Variants in GUF1 observed in about 807,000 individuals in gnomAD.
GUF1 encodes translation factor GUF1, mitochondrial.
Under a neutral mutation model 82.4 loss-of-function variants are expected in GUF1, and 78 were observed. The ratio of observed to expected loss-of-function variants is 0.95; its 90% CI spans 0.79 to 1.14. The LOEUF is 1.14. Ranked by LOEUF, GUF1 falls within the 50% of genes most tolerant of loss-of-function variation. The pLI is 0.00. For missense variants in GUF1, 814 were observed against 798.2 expected (o/e 1.02, Z -0.24); for synonymous variants, 279 against 282.3 (o/e 0.99, Z 0.12).
At chr4:44,684,462 C>G (rs1425183049) in intron 6 of GUF1, among the ~76,000 whole-genome samples, 1 of 151,992 alleles carries the variant, frequency 6.6e-6, no homozygotes, top group Non-Finnish European at 1.5e-5. Flanking sequence ...TGCTGGGACT[C>G]GTGCTGTGCT....
intron 13 of GUF1, among the ~76,000 whole-genome samples, chr4:44,693,346 A>G (rs1430778312): frequency 6.6e-6 from 1 of 152,014 alleles, no homozygotes; most frequent in African/African-American, 2.4e-5. Context: ...GAGTTAAGAA[A>G]TTTTTAAGAT....
At chr4:44,698,103 G>A (rs1265606903) in intron 16 of GUF1, among the ~76,000 whole-genome samples, 6 of 152,114 alleles carry the variant, frequency 3.9e-5, no homozygotes, top group Admixed American at 6.5e-5. Flanking sequence ...CAGAGATCCT[G>A]CCATTGTACT....
rs754535534 is a variant in GUF1 at position 44,689,994 on chromosome 4, T to C, written c.1335+19T>C. The C allele has an allele frequency of 1.9e-6, 3 of 1,543,764 alleles. No homozygotes were observed. The highest frequency in any genetic ancestry group is 1.8e-5 in the Admixed American group (1 of 56,202). On this transcript the variant is annotated intron_variant, in intron 11 of 16. Coordinates refer to ENST00000281543, the MANE Select transcript of GUF1 (RefSeq NM_021927.3). ...GATAAAGGTACTTGGTATTTAGTACTGGTATTTAGTACTGTTTTGCATTAG... is the reference window on the plus strand; with the variant it reads ...GATAAAGGTACTTGGTATTTAGTACCGGTATTTAGTACTGTTTTGCATTAG...
intron 6 of GUF1, 38 bp downstream of exon 6, chr4:44,683,356 A>G: frequency 2.5e-6 from 3 of 1,212,300 alleles, no homozygotes; most frequent in Non-Finnish European, 3.5e-6. Context: ...CTTTGAAAAA[A>G]GTCTCAAGTA....
At chr4:44,680,865 A>C in intron 3 of GUF1, 23 bp downstream of exon 3, 1 of 1,578,928 alleles carries the variant, frequency 6.3e-7, no homozygotes, top group South Asian at 1.1e-5. Flanking sequence ...TTAATTTTGC[A>C]TGTATTGTTA....
rs1290093486 is a variant in GUF1 at position 44,678,622 on chromosome 4, C to T, written c.-1C>T. 4 of 1,455,912 alleles carry T rather than the reference C, an allele frequency of 2.7e-6. No individual in the cohort carries two copies. Among genetic ancestry groups the T allele is most frequent in the Non-Finnish European group, 3.6e-6 (4 of 1,115,142 alleles). The allele number at this position is 1,455,912 out of a possible 1,614,324, so 90.2% of individuals were successfully genotyped here. On this transcript the variant is annotated 5_prime_UTR_variant, in exon 1 of 17. Coordinates refer to ENST00000281543, the MANE Select transcript of GUF1 (RefSeq NM_021927.3). ...CTCCTGACGCCTCCGCCGCCCGGGT[C>T]ATGTGGACCCTCGTGGGTCGGGGCT...
chr4:44,683,173 T>C (rs964564211), intron 5 of GUF1, 62 bp from the exon 6 acceptor site: 1 of 1,031,664 alleles, frequency 9.7e-7, no homozygotes, highest in South Asian at 1.5e-5. Context: ...CTCCGAATAC[T>C]GTTAATACAT....
chr4:44,686,830 T>G lies in GUF1; in HGVS notation c.938+117T>G, dbSNP rs1489473127. 5.8e-6 allele frequency: 4 copies of G among 692,182 alleles called. No homozygotes were observed. The Admixed American group carries it at 9.0e-5, about 16-fold the overall frequency. The allele number at this position is 692,182 out of a possible 1,614,324, so 42.9% of individuals were successfully genotyped here. A position where few individuals can be genotyped will look rare whatever the true frequency, so the allele number is the denominator to read the frequency against. On this transcript the variant is annotated intron_variant, in intron 8 of 16. Transcript: ENST00000281543. ...ATTTGGTAACTTAAAAAAAACTATT[T>G]AATGCAACTATACAGTAAATGCTCT...
chr4:44,678,913 G>A, intron 1 of GUF1, 126 bp downstream of exon 1: 1 of 958,834 alleles, frequency 1.0e-6, no homozygotes, highest in Non-Finnish European at 1.5e-6. Flanking sequence ...GTACAGGGAG[G>A]CAGAGCGGAG....
At chr4:44,692,159 A>T (rs900447757) in intron 13 of GUF1, among the ~76,000 whole-genome samples, 1 of 151,902 alleles carries the variant, frequency 6.6e-6, no homozygotes, top group Non-Finnish European at 1.5e-5. Context: ...ATGTTATGCA[A>T]TCTCAAGAGC....
intron 5 of GUF1, 62 bp from the exon 6 acceptor site, chr4:44,683,173 T>G (rs964564211): frequency 9.7e-7 from 1 of 1,031,664 alleles, no homozygotes; most frequent in Admixed American, 2.6e-5. Context: ...CTCCGAATAC[T>G]GTTAATACAT....
chr4:44,689,486 G>A lies in GUF1; in HGVS notation c.1202+77G>A, dbSNP rs905966030. On this transcript the variant is annotated intron_variant, in intron 10 of 16. Coordinates refer to ENST00000281543, the MANE Select transcript of GUF1 (RefSeq NM_021927.3). The stretch of plus-strand genomic sequence containing the variant: ...TTTTAAAAATATTTTTATAGGAAAG[G>A]GAGGTTTTTAAAAAATATCTTTATA... 2.8e-6 allele frequency: 4 copies of A among 1,409,038 alleles called. No homozygotes were observed. The African/African-American group carries it at 4.4e-5, about 16-fold the overall frequency. 87.3% of individuals were successfully genotyped at this position (1,409,038 alleles called of 1,614,324 possible).
In GUF1 at chr4:44,689,996, G is replaced by T. The variant is rs764772329; in HGVS notation, c.1335+21G>T. 20 of 1,536,972 alleles carry T rather than the reference G, an allele frequency of 1.3e-5. No individual in the cohort carries two copies. In the South Asian group the frequency reaches 2.5e-4, roughly 19 times the overall value. On this transcript the variant is annotated intron_variant, in intron 11 of 16. Coordinates refer to ENST00000281543, the MANE Select transcript of GUF1 (RefSeq NM_021927.3). ...TAAAGGTACTTGGTATTTAGTACTGGTATTTAGTACTGTTTTGCATTAGTC... is the reference window on the plus strand; with the variant it reads ...TAAAGGTACTTGGTATTTAGTACTGTTATTTAGTACTGTTTTGCATTAGTC...
At chr4:44,698,503 T>G in intron 16 of GUF1, 41 bp from the exon 17 acceptor site, 1 of 1,499,220 alleles carries the variant, frequency 6.7e-7, no homozygotes, top group Admixed American at 2.1e-5. Flanking sequence ...TGTTTCTCTT[T>G]AGAGTGACTT....
intron 8 of GUF1, 106 bp downstream of exon 8, chr4:44,686,819 A>G (rs1577769590): frequency 1.3e-6 from 1 of 763,170 alleles, no homozygotes; most frequent in Non-Finnish European, 2.2e-6. Context: ...GGTAACTTAA[A>G]AAAAACTATT....
chr4:44,678,583 C>T lies in GUF1; in HGVS notation c.-40C>T. ...AAAAAAACGGGCTATGCTGCTGTTG[C>T]GTGTGGGTACCCTCTCCTGACGCCT... On this transcript the variant is annotated 5_prime_UTR_variant, in exon 1 of 17. Coordinates refer to ENST00000281543, the MANE Select transcript of GUF1 (RefSeq NM_021927.3). 1.4e-6 allele frequency: 2 copies of T among 1,425,392 alleles called. No homozygotes were observed. Among genetic ancestry groups the T allele is most frequent in the South Asian group, 1.7e-5 (1 of 58,732 alleles). 88.3% of individuals were successfully genotyped at this position (1,425,392 alleles called of 1,614,324 possible). A position where few individuals can be genotyped will look rare whatever the true frequency, so the allele number is the denominator to read the frequency against.
intron 9 of GUF1, 119 bp downstream of exon 9, chr4:44,688,265 A>T (rs934210370): frequency 1.0e-6 from 1 of 977,002 alleles, no homozygotes; most frequent in African/African-American, 1.6e-5. Context: ...TAATTCCAGC[A>T]TATTGTTTCA....
rs560706043 is a variant in GUF1 at position 44,680,572 on chromosome 4, T to C, written c.277+20T>C. Reference sequence around the variant, plus strand: ...TTACAGGTATTTCATTTATGTTACATACTTAACTGATGGCTGCGAGTTATT... The same window carrying C: ...TTACAGGTATTTCATTTATGTTACACACTTAACTGATGGCTGCGAGTTATT... On this transcript the variant is annotated intron_variant, in intron 2 of 16. Coordinates refer to ENST00000281543, the MANE Select transcript of GUF1 (RefSeq NM_021927.3). The C allele has an allele frequency of 1.3e-6, 2 of 1,521,774 alleles. No homozygotes were observed. The highest frequency in any genetic ancestry group is 1.4e-5 in the African/African-American group (1 of 72,290). 94.3% of individuals were successfully genotyped at this position (1,521,774 alleles called of 1,614,324 possible). A position where few individuals can be genotyped will look rare whatever the true frequency, so the allele number is the denominator to read the frequency against.
chr4:44,689,894 G>A lies in GUF1; in HGVS notation c.1254G>A (p.Glu418=). ...LHMEVFNQRL[E]QEYNASVILT... ...TGGAAGTTTTCAACCAGCGACTGGAGCAAGAATATAATGCTTCTGTTATTT... is the reference window on the plus strand; with the variant it reads ...TGGAAGTTTTCAACCAGCGACTGGAACAAGAATATAATGCTTCTGTTATTT... The change falls in exon 11 of 17, where the codon GAG becomes GAA. Residue 418 remains glutamate (E), a synonymous_variant. Transcript: ENST00000281543. 6.2e-7 allele frequency: 1 copy of A among 1,606,272 alleles called. No individual in the cohort carries two copies. The highest frequency in any genetic ancestry group is 8.5e-7 in the Non-Finnish European group (1 of 1,174,726).
Sources: gnomAD v4.1 joint callset for allele counts (sites outside exome capture counted in the v4.1 genomes callset) on GRCh38, gnomAD v4.1.1 for gene constraint, MANE v1.5 for transcripts, NCBI Gene and HGNC (gene_info 2026-07-23, HGNC 2026-07-21) for gene names.